The following RHBDD1 variants were observed in gnomAD, a reference collection of about 807,000 sequenced individuals.
RHBDD1 encodes the protein rhomboid domain containing 1.
In RHBDD1, 38 loss-of-function variants were observed where a neutral mutation model predicts 36.3. The observed-to-expected ratio is 1.05, with a 90% CI of 0.81 to 1.37. The LOEUF (loss-of-function observed/expected upper bound fraction) is 1.37. Ranked by LOEUF, RHBDD1 falls within the 40% of genes most tolerant of loss-of-function variation. The pLI is 0.00. For synonymous variants in RHBDD1, 151 were observed against 136.5 expected (o/e 1.11, Z -0.74); for missense variants, 393 against 377.6 (o/e 1.04, Z -0.34).
intron 8 of RHBDD1, among the ~76,000 whole-genome samples, chr2:226,973,153 G>A (rs1953905628): frequency 6.6e-6 from 1 of 152,108 alleles, no homozygotes. Context: ...TTTTTGCAGT[G>A]TGTATGTGTG....
intron 8 of RHBDD1, among the ~76,000 whole-genome samples, chr2:226,955,233 G>A (rs377363742): frequency 2.0e-4 from 30 of 152,246 alleles, no homozygotes; most frequent in African/African-American, 6.3e-4. Flanking sequence ...AGCCCTGTTT[G>A]CACACCCTTC....
chr2:226,942,241 C>CT (rs11449035), intron 8 of RHBDD1, among the ~76,000 whole-genome samples: 68,114 of 142,246 alleles, frequency 0.48, 16,217 homozygotes, highest in African/African-American at 0.54. Flanking sequence ...TCGTGATCAT[C>CT]TTTTTTTTTT....
At chr2:226,987,546 C>G (rs1239490565) in intron 8 of RHBDD1, among the ~76,000 whole-genome samples, 1 of 152,242 alleles carries the variant, frequency 6.6e-6, no homozygotes, top group Non-Finnish European at 1.5e-5. Flanking sequence ...CATTTGCACT[C>G]TCCCATCTCT....
intron 8 of RHBDD1, among the ~76,000 whole-genome samples, chr2:226,969,414 T>TTTTA (rs3055673): frequency 1.3e-5 from 2 of 150,654 alleles, no homozygotes; most frequent in Non-Finnish European, 3.0e-5. Context: ...TTTTTTTTTT[T>TTTTA]AAGGAAGTAG....
chr2:226,963,501 G>T (rs900029012), intron 8 of RHBDD1, among the ~76,000 whole-genome samples: 1 of 152,016 alleles, frequency 6.6e-6, no homozygotes, highest in Non-Finnish European at 1.5e-5. Context: ...GACTACTCGC[G>T]GGTGACCCCA....
chr2:226,977,344 C>T (rs936911938), intron 8 of RHBDD1, among the ~76,000 whole-genome samples: 2 of 152,160 alleles, frequency 1.3e-5, no homozygotes, highest in African/African-American at 2.4e-5. Context: ...GCTTTTCAGC[C>T]TTGTCTGCCC....
chr2:226,910,925 T>C (rs1948474918), intron 7 of RHBDD1, among the ~76,000 whole-genome samples: 1 of 152,174 alleles, frequency 6.6e-6, no homozygotes, highest in African/African-American at 2.4e-5. Context: ...CACACTGGTC[T>C]TTCTGATTTA....
At position 226,972,757 on chromosome 2, in the gene RHBDD1, C is replaced by T. The variant is rs190484998; in HGVS notation, c.857-22674C>T. 1.7e-3 allele frequency among the ~76,000 whole-genome samples: 258 copies of T among 152,250 alleles called. 2 individuals carry two copies. Among genetic ancestry groups the T allele is most frequent in the Middle Eastern group, 3.4e-3 (1 of 294 alleles). On this transcript the variant is annotated intron_variant, in intron 8 of 8. Coordinates refer to ENST00000392062, the MANE Select transcript of RHBDD1 (RefSeq NM_001167608.3). Reference sequence around the variant, plus strand: ...AGTCCAGGGGCTCTCTGCTCACACTCGGCCAAGCTCTTGCTGTTTAAGGGT... The same window carrying T: ...AGTCCAGGGGCTCTCTGCTCACACTTGGCCAAGCTCTTGCTGTTTAAGGGT...
At chr2:226,944,272 A>G (rs1225670874) in intron 8 of RHBDD1, among the ~76,000 whole-genome samples, 2 of 152,172 alleles carry the variant, frequency 1.3e-5, no homozygotes, top group African/African-American at 4.8e-5. Context: ...TCTATTGTAG[A>G]TAGGATTTTT....
chr2:226,953,801 G>T (rs1305491234), intron 8 of RHBDD1, among the ~76,000 whole-genome samples: 2 of 152,154 alleles, frequency 1.3e-5, no homozygotes, highest in East Asian at 3.8e-4. Context: ...AAGTTTTAAT[G>T]GGTTCCAGCG....
At chr2:226,852,910 A>G (rs6706819) in intron 3 of RHBDD1, among the ~76,000 whole-genome samples, 6,566 of 86,252 alleles carry the variant, frequency 0.076, 166 homozygotes, top group African/African-American at 0.21. Context: ...ATTTATTATT[A>G]TTATTATTAT....
intron 5 of RHBDD1, among the ~76,000 whole-genome samples, chr2:226,885,185 CTT>C (rs891579542): frequency 6.6e-5 from 10 of 152,166 alleles, no homozygotes; most frequent in Non-Finnish European, 1.3e-4. Flanking sequence ...AATTGTTACT[CTT>C]GAGGTTTTGA....
At chr2:226,891,623 C>T (rs1240860742) in intron 5 of RHBDD1, among the ~76,000 whole-genome samples, 2 of 152,128 alleles carry the variant, frequency 1.3e-5, no homozygotes, top group African/African-American at 2.4e-5. Context: ...ATCAGCAGCT[C>T]CTACATCCTA....
chr2:226,813,880 G>T, the RHBDD1 span, among the ~76,000 whole-genome samples: 5 of 152,164 alleles, frequency 3.3e-5, no homozygotes, highest in Non-Finnish European at 7.4e-5. Context: ...ATGGTGGTGG[G>T]GATTACAAAA....
the RHBDD1 span, among the ~76,000 whole-genome samples, chr2:226,808,014 C>CA: frequency 0.025 from 3,553 of 141,476 alleles, 146 homozygotes; most frequent in African/African-American, 0.085. Context: ...GACTCTGTCT[C>CA]AAAAAAAAAA....
intron 8 of RHBDD1, among the ~76,000 whole-genome samples, chr2:226,990,842 C>T (rs949022482): frequency 4.6e-5 from 7 of 152,126 alleles, no homozygotes; most frequent in African/African-American, 1.4e-4. Context: ...GGCTGACCTC[C>T]ATTGACAAAA....
intron 8 of RHBDD1, among the ~76,000 whole-genome samples, chr2:226,975,732 T>C (rs1954450633): frequency 6.6e-6 from 1 of 152,218 alleles, no homozygotes; most frequent in Non-Finnish European, 1.5e-5. Context: ...CATAAACTCC[T>C]TAAGTATTGC....
At chr2:226,862,168 T>C (rs1203917622) in intron 3 of RHBDD1, among the ~76,000 whole-genome samples, 1 of 152,226 alleles carries the variant, frequency 6.6e-6, no homozygotes, top group Non-Finnish European at 1.5e-5. Flanking sequence ...AATTCTCACA[T>C]AAGTAAGTTT....
intron 8 of RHBDD1, among the ~76,000 whole-genome samples, chr2:226,944,980 A>G (rs1349363374): frequency 6.6e-6 from 1 of 151,966 alleles, no homozygotes; most frequent in East Asian, 1.9e-4. Context: ...TGGAGGAACT[A>G]GGTTGGTTGT....
Sources: allele counts gnomAD v4.1 joint callset (sites outside exome capture counted in the v4.1 genomes callset), GRCh38; gene constraint gnomAD v4.1.1; transcripts MANE v1.5; gene names NCBI Gene and HGNC (gene_info 2026-07-23, HGNC 2026-07-21).